IL31: variants seen among roughly 807,000 people sequenced by gnomAD.
IL31 encodes the protein interleukin-31.
In IL31, 8 loss-of-function variants were observed where a neutral mutation model predicts 7.8. The observed-to-expected ratio is 1.02, with a 90% CI of 0.60 to 1.84. IL31 has a LOEUF of 1.84. Ranked by LOEUF, IL31 falls within the 40% of genes most tolerant of loss-of-function variation. The probability of loss-of-function intolerance (pLI) is 0.00; values close to 1 mark genes in which losing one functional copy is unlikely to be tolerated. For synonymous variants in IL31, 87 were observed against 86.5 expected, an observed-to-expected ratio of 1.01 and a Z score of -0.03; for missense variants, 162 against 205.6, an observed-to-expected ratio of 0.79 and a Z score of 1.30.
Position 122,174,001 on chromosome 12 carries a change from A to G in IL31, c.17-9T>C. On this transcript the variant is annotated splice_polypyrimidine_tract_variant and intron_variant, in intron 1 of 2. Coordinates refer to ENST00000377035, the MANE Select transcript of IL31 (RefSeq NM_001014336.2). ...CACAGACGTCGAGGGGCCTGGAGAG[A>G]GAACGATGCCGTGAGCGCATACATC... 1 of 1,613,962 alleles carries G rather than the reference A, an allele frequency of 6.2e-7. No homozygotes were observed. Among genetic ancestry groups the G allele is most frequent in the Non-Finnish European group, 8.5e-7 (1 of 1,179,956 alleles).
chr12:122,172,282 A>T lies in IL31; in HGVS notation c.*130T>A. The T allele has an allele frequency of 1.5e-6, 1 of 675,982 alleles. No individual in the cohort carries two copies. The highest frequency in any genetic ancestry group is 2.6e-5 in the East Asian group (1 of 37,974). The allele number at this position is 675,982 out of a possible 1,614,324, so 41.9% of individuals were successfully genotyped here. ...CTCAGCCCTCCCGGGACTAGCCCAT[A>T]TGAGGGGTCCCTGAGATTATTCATT... On this transcript the variant is annotated 3_prime_UTR_variant, in exon 3 of 3. Coordinates refer to ENST00000377035, the MANE Select transcript of IL31 (RefSeq NM_001014336.2).
intron 1 of IL31, 48 bp from the exon 2 acceptor site, chr12:122,174,040 C>A: frequency 6.2e-7 from 1 of 1,613,210 alleles, no homozygotes; most frequent in Non-Finnish European, 8.5e-7. Flanking sequence ...CACCCCTGCC[C>A]ACCCTGGCTC....
chr12:122,173,937 G>A lies in IL31; in HGVS notation c.72C>T (p.Ser24=), dbSNP rs1472542821. The change falls in exon 2 of 3, where the codon TCC becomes TCT. Residue 24 remains serine, a synonymous_variant. Coordinates refer to ENST00000377035, the MANE Select transcript of IL31 (RefSeq NM_001014336.2). ...LFCCLGGWLA[S]HTLPVRLLRP... is the part of the protein sequence containing the mutation. ...GTAGTAAACGGACGGGCAACGTGTG[G>A]GAGGCCAGCCAGCCTCCCAGGCAGC... The A allele has an allele frequency of 6.2e-7, 1 of 1,613,970 alleles. No individual in the cohort carries two copies. The highest frequency in any genetic ancestry group is 8.5e-7 in the Non-Finnish European group (1 of 1,180,026).
rs1307404866 is a variant in IL31 at position 122,172,757 on chromosome 12, A to T, written c.166-16T>A. The T allele has an allele frequency of 6.3e-7, 1 of 1,585,514 alleles. No individual in the cohort carries two copies. Among genetic ancestry groups the T allele is most frequent in the East Asian group, 2.3e-5 (1 of 43,816 alleles). ...CTTCCTCCACCTGTGGAATGAGGAG[A>T]AATGGTCAGTGTTGGGTTTGCAATG... On this transcript the variant is annotated splice_polypyrimidine_tract_variant and intron_variant, in intron 2 of 2. Coordinates refer to ENST00000377035, the MANE Select transcript of IL31 (RefSeq NM_001014336.2).
rs1278377190 is a variant in IL31, at chr12:122,174,196, T to C, written c.-24A>G. 2 of 1,613,978 alleles carry C rather than the reference T, an allele frequency of 1.2e-6. No individual in the cohort carries two copies. Among genetic ancestry groups the C allele is most frequent in the African/African-American group, 2.7e-5 (2 of 75,028 alleles). ...ATGGCGAGAGAGAGCAAGGCCAGCT[T>C]CAGTGGGGGCTTCTGGAGCCAGATG... On this transcript the variant is annotated 5_prime_UTR_variant, in exon 1 of 3. Coordinates refer to ENST00000377035, the MANE Select transcript of IL31 (RefSeq NM_001014336.2).
chr12:122,173,192 C>T (rs771508387), intron 2 of IL31, among the ~76,000 whole-genome samples: 4 of 152,076 alleles, frequency 2.6e-5, no homozygotes, highest in Non-Finnish European at 5.9e-5. Flanking sequence ...TCCCTCCCTT[C>T]CTCTTTCTAA....
At chr12:122,173,008 C>T (rs1200187163) in intron 2 of IL31, among the ~76,000 whole-genome samples, 1 of 152,158 alleles carries the variant, frequency 6.6e-6, no homozygotes, top group Non-Finnish European at 1.5e-5. Context: ...CTCACGTGCT[C>T]AGGGTGGTGG....
In IL31 at chr12:122,173,400, T is replaced by G. The variant is rs1364285367; in HGVS notation, c.165+444A>C. Among the ~76,000 whole-genome samples, 6 of 152,358 alleles carry G rather than the reference T, an allele frequency of 3.9e-5. No homozygotes were observed. The East Asian group carries it at 9.6e-4, about 24-fold the overall frequency. Reference sequence around the variant, plus strand: ...ATTTGTTTGTTTGATCAAAGCTATCTTGGCTGGGCACAGTGGCTCACGCCT... The same window carrying G: ...ATTTGTTTGTTTGATCAAAGCTATCGTGGCTGGGCACAGTGGCTCACGCCT... On this transcript the variant is annotated intron_variant, in intron 2 of 2. Coordinates refer to ENST00000377035, the MANE Select transcript of IL31 (RefSeq NM_001014336.2).
intron 2 of IL31, 50 bp downstream of exon 2, chr12:122,173,794 G>A (rs764946730): frequency 2.6e-6 from 4 of 1,552,378 alleles, no homozygotes; most frequent in Non-Finnish European, 3.5e-6. Flanking sequence ...GAGGGCAATG[G>A]AAGGCATTTT....
intron 1 of IL31, 31 bp downstream of exon 1, chr12:122,174,126 A>G: frequency 6.2e-7 from 1 of 1,614,112 alleles, no homozygotes; most frequent in Non-Finnish European, 8.5e-7. Flanking sequence ...GATGATGCCC[A>G]AGACTCCGGA....
Position 122,173,905 on chromosome 12 carries a change from C to G in IL31, c.104G>C (p.Ser35Thr), listed in dbSNP as rs767436460. Reference sequence around the variant, plus strand: ...CTCGACTATTTTCTGTACATCATCACTTGGTCGTAGTAAACGGACGGGCAA... The same window carrying G: ...CTCGACTATTTTCTGTACATCATCAGTTGGTCGTAGTAAACGGACGGGCAA... ...HTLPVRLLRPSDDVQKIVEEL... is the reference protein window; with the variant it reads ...HTLPVRLLRPTDDVQKIVEEL... The change falls in exon 2 of 3, where the codon AGT (serine) becomes ACT (threonine). Residue 35 changes from serine (S) to threonine (T), a missense_variant. By Grantham distance (58) the Ser-to-Thr change is moderately conservative. Coordinates refer to ENST00000377035, the MANE Select transcript of IL31 (RefSeq NM_001014336.2). 3 of 1,614,036 alleles carry G rather than the reference C, an allele frequency of 1.9e-6. No homozygotes were observed. The highest frequency in any genetic ancestry group is 2.7e-5 in the African/African-American group (2 of 74,924).
intron 2 of IL31, among the ~76,000 whole-genome samples, chr12:122,173,452 G>A (rs1450102340): frequency 6.6e-6 from 1 of 152,212 alleles, no homozygotes; most frequent in African/African-American, 2.4e-5. Flanking sequence ...GGGAGGCCAA[G>A]GCAGGCGGAT....
chr12:122,172,845 A>G, intron 2 of IL31, 104 bp from the exon 3 acceptor site: 1 of 868,432 alleles, frequency 1.2e-6, no homozygotes, highest in Non-Finnish European at 1.8e-6. Context: ...TCGTTGATAT[A>G]TTTATCTGAT....
Position 122,172,610 on chromosome 12 carries a change from G to T in IL31, c.297C>A (p.Asp99Glu), listed in dbSNP as rs1341248772. 4 of 1,614,050 alleles carry T rather than the reference G, an allele frequency of 2.5e-6. No individual in the cohort carries two copies. The African/African-American group carries it at 4.0e-5, about 16-fold the overall frequency. The change falls in exon 3 of 3, where the codon GAC (aspartate) becomes GAA (glutamate). Residue 99 changes from aspartate (D) to glutamate (E), a missense_variant. By Grantham distance (45) the Asp-to-Glu change is conservative. Coordinates refer to ENST00000377035, the MANE Select transcript of IL31 (RefSeq NM_001014336.2). ...TGATCTCATCAATAACAGATTTGTT[G>T]TCTAGCTGTCTGATTGTCTTGAGAT... ...RAYLKTIRQL[D>E]NKSVIDEIIE...
rs756888105 is a variant in IL31, at chr12:122,172,470, T to C, written c.437A>G (p.Glu146Gly). The change falls in exon 3 of 3, where the codon GAG becomes GGG. Residue 146 changes from glutamate (E) to glycine (G), a missense_variant. Transcript: ENST00000377035. ...FILTISQQFS[E>G]CMDLALKSLT... ...TGATTTTAGTGCGAGGTCCATGCAC[T>C]CTGAAAACTGTTGAGAAATAGTCAG... 5.0e-6 allele frequency: 8 copies of C among 1,614,228 alleles called. No homozygotes were observed. The highest frequency in any genetic ancestry group is 5.9e-6 in the Non-Finnish European group (7 of 1,180,042).
At chr12:122,174,134 G>A (rs1244711385) in intron 1 of IL31, 23 bp downstream of exon 1, 23 of 1,613,974 alleles carry the variant, frequency 1.4e-5, no homozygotes, top group East Asian at 1.1e-4. Context: ...CCAAGACTCC[G>A]GAAGCACCAG....
chr12:122,172,294 T>G lies in IL31; in HGVS notation c.*118A>C. 6 of 744,492 alleles carry G rather than the reference T, an allele frequency of 8.1e-6. No homozygotes were observed. The highest frequency in any genetic ancestry group is 1.3e-5 in the Non-Finnish European group (6 of 448,138). The allele number at this position is 744,492 out of a possible 1,614,324, so 46.1% of individuals were successfully genotyped here. ...GGGACTAGCCCATATGAGGGGTCCC[T>G]GAGATTATTCATTGGAAAAATGTAC... On this transcript the variant is annotated 3_prime_UTR_variant, in exon 3 of 3. Coordinates refer to ENST00000377035, the MANE Select transcript of IL31 (RefSeq NM_001014336.2).
intron 1 of IL31, 50 bp from the exon 2 acceptor site, chr12:122,174,042 C>T (rs1953514768): frequency 2.5e-6 from 4 of 1,613,276 alleles, no homozygotes; most frequent in Non-Finnish European, 3.4e-6. Flanking sequence ...CCCCTGCCCA[C>T]CCTGGCTCCA....
chr12:122,172,852 T>G, intron 2 of IL31, 111 bp from the exon 3 acceptor site: 2 of 834,668 alleles, frequency 2.4e-6, no homozygotes, highest in Non-Finnish European at 3.8e-6. Flanking sequence ...TATATTTATC[T>G]GATCAATGTC....
Sources: allele counts gnomAD v4.1 joint callset (sites outside exome capture counted in the v4.1 genomes callset), GRCh38; gene constraint gnomAD v4.1.1; transcripts MANE v1.5; gene names NCBI Gene and HGNC (gene_info 2026-07-23, HGNC 2026-07-21).